Variants in ANO6 observed in about 807,000 individuals in gnomAD.
The protein encoded by ANO6 is anoctamin-6.
ANO6 carries 106 observed loss-of-function variants against 117.5 expected under a neutral mutation model. The observed-to-expected ratio is 0.90, with a 90% CI of 0.77 to 1.06. The LOEUF (loss-of-function observed/expected upper bound fraction) is 1.06. Among genes scored for constraint, ANO6 ranks in the 50% least tolerant of loss-of-function variants. The pLI, the probability that ANO6 is intolerant of heterozygous loss-of-function variation, is 0.00. For missense variants in ANO6, 955 were observed against 1,121.1 expected (o/e 0.85, Z 2.12); for synonymous variants, 367 against 385.1 (o/e 0.95, Z 0.55).
At position 45,302,086 on chromosome 12, in the gene ANO6, C is replaced by T. The variant is rs770877324; in HGVS notation, c.143C>T (p.Pro48Leu). The stretch of plus-strand genomic sequence containing the variant: ...GAAAGTCAGCATGATTTTCGAACCC[C>T]GGAGTTTGTGAGTACTATTCCTTTA... ...SLESQHDFRT[P>L]EFEEFNGKPD... The change falls in exon 2 of 20, where the codon CCG becomes CTG. Residue 48 changes from proline (P) to leucine (L), a missense_variant. Pro to Leu is a moderately conservative substitution (Grantham distance 98). Coordinates refer to ENST00000320560, the MANE Select transcript of ANO6 (RefSeq NM_001025356.3). 49 of 1,613,632 alleles carry T rather than the reference C, an allele frequency of 3.0e-5. No homozygotes were observed. Among genetic ancestry groups the T allele is most frequent in the Admixed American group, 1.3e-4 (8 of 59,970 alleles).
At chr12:45,274,015 T>G (rs1041778425) in intron 1 of ANO6, among the ~76,000 whole-genome samples, 1 of 152,208 alleles carries the variant, frequency 6.6e-6, no homozygotes, top group Non-Finnish European at 1.5e-5. Context: ...ATTCTTTTTT[T>G]ACTTGGCTTC....
At chr12:45,341,353 G>T (rs1469964420) in intron 3 of ANO6, among the ~76,000 whole-genome samples, 2 of 152,072 alleles carry the variant, frequency 1.3e-5, no homozygotes, top group African/African-American at 4.8e-5. Context: ...TTTCATAATA[G>T]CAAAAAGGTA....
At chr12:45,290,647 T>C (rs983081442) in intron 1 of ANO6, among the ~76,000 whole-genome samples, 6 of 152,220 alleles carry the variant, frequency 3.9e-5, no homozygotes, top group African/African-American at 1.2e-4. Flanking sequence ...ATTTATAGAA[T>C]ATCAGCTGTC....
At chr12:45,375,410 C>G (rs1941980279) in intron 9 of ANO6, among the ~76,000 whole-genome samples, 1 of 152,138 alleles carries the variant, frequency 6.6e-6, no homozygotes. Context: ...ATTCCTAAGC[C>G]AAAAGAACAA....
At chr12:45,271,126 A>G (rs1938381794) in intron 1 of ANO6, among the ~76,000 whole-genome samples, 1 of 152,204 alleles carries the variant, frequency 6.6e-6, no homozygotes, top group Non-Finnish European at 1.5e-5. Flanking sequence ...GTTTTAGCAA[A>G]AAATGTTTGG....
intron 1 of ANO6, among the ~76,000 whole-genome samples, chr12:45,234,859 C>T (rs1947623800): frequency 6.6e-6 from 1 of 152,180 alleles, no homozygotes; most frequent in African/African-American, 2.4e-5. Flanking sequence ...CCTTTCAGTT[C>T]TAATAATTTG....
intron 16 of ANO6, among the ~76,000 whole-genome samples, chr12:45,412,512 C>T (rs1157838687): frequency 6.6e-6 from 1 of 152,116 alleles, no homozygotes; most frequent in East Asian, 1.9e-4. Context: ...TTTCTTCCTC[C>T]TATGCTGAAC....
At position 45,400,834 on chromosome 12, in the gene ANO6, T is replaced by C. The variant is rs4768088; in HGVS notation, c.1387-961T>C. On this transcript the variant is annotated intron_variant, in intron 12 of 19. Coordinates refer to ENST00000320560, the MANE Select transcript of ANO6 (RefSeq NM_001025356.3). ...TCCTCAGTTTCCCTTCTCTGAAACT[T>C]TTCTGTCATCACGAGCAGTCACACA... Among the ~76,000 whole-genome samples, 5 of 152,218 alleles carry C rather than the reference T, an allele frequency of 3.3e-5. 1 individual carries two copies. The highest frequency in any genetic ancestry group is 1.3e-4 in the Admixed American group (2 of 15,286).
At chr12:45,264,804 A>G (rs975663484) in intron 1 of ANO6, among the ~76,000 whole-genome samples, 2 of 152,204 alleles carry the variant, frequency 1.3e-5, no homozygotes, top group African/African-American at 4.8e-5. Context: ...TATCTGTATC[A>G]TGACACTAAA....
intron 12 of ANO6, 34 bp from the exon 13 acceptor site, chr12:45,401,761 G>C (rs777145419): frequency 8.4e-6 from 13 of 1,541,060 alleles, no homozygotes; most frequent in Non-Finnish European, 1.2e-5. Flanking sequence ...AGTTATTGGT[G>C]AGTCTCATGC....
chr12:45,240,088 C>T (rs897407696), intron 1 of ANO6, among the ~76,000 whole-genome samples: 7 of 152,114 alleles, frequency 4.6e-5, no homozygotes, highest in Admixed American at 6.5e-5. Context: ...TGTTAACCTT[C>T]GTTCTCGTTG....
intron 1 of ANO6, among the ~76,000 whole-genome samples, chr12:45,299,214 G>A (rs1939399044): frequency 6.6e-6 from 1 of 152,204 alleles, no homozygotes; most frequent in African/African-American, 2.4e-5. Flanking sequence ...AAGATGGTCT[G>A]TAGGAGTGTA....
At chr12:45,438,170 C>T (rs1943729258) in intron 19 of ANO6, among the ~76,000 whole-genome samples, 1 of 152,082 alleles carries the variant, frequency 6.6e-6, no homozygotes, top group Non-Finnish European at 1.5e-5. Flanking sequence ...TCCTAGTTGT[C>T]CATCCTGGGC....
intron 1 of ANO6, among the ~76,000 whole-genome samples, chr12:45,266,805 AGTGTGTGTGTGTGTGTGTGT>A (rs57682251): frequency 6.9e-6 from 1 of 145,658 alleles, no homozygotes; most frequent in Non-Finnish European, 1.5e-5. Context: ...TCAAAAAACA[AGTGTGTGTGTGTGTGTGTGT>A]GTGTGTGTGT....
chr12:45,219,397 G>C (rs573354200), intron 1 of ANO6, among the ~76,000 whole-genome samples: 1 of 151,968 alleles, frequency 6.6e-6, no homozygotes, highest in African/African-American at 2.4e-5. Context: ...GTGCAGTGAC[G>C]CAGTCACAGC....
At chr12:45,392,747 T>C (rs1485119245) in intron 12 of ANO6, among the ~76,000 whole-genome samples, 2 of 152,148 alleles carry the variant, frequency 1.3e-5, no homozygotes, top group African/African-American at 4.8e-5. Context: ...GACCTGCAGC[T>C]GAGGGACCTG....
chr12:45,225,183 CAAAA>C (rs34523402), intron 1 of ANO6, among the ~76,000 whole-genome samples: 2 of 73,444 alleles, frequency 2.7e-5, no homozygotes, highest in African/African-American at 4.0e-5. Context: ...GACCCTGTCT[CAAAA>C]AAAAAAAAAA....
At chr12:45,286,428 A>C (rs1293677546) in intron 1 of ANO6, among the ~76,000 whole-genome samples, 1 of 152,262 alleles carries the variant, frequency 6.6e-6, no homozygotes, top group Non-Finnish European at 1.5e-5. Flanking sequence ...GACTTAAAAA[A>C]TATCCATACA....
intron 3 of ANO6, 86 bp downstream of exon 3, chr12:45,331,509 A>T: frequency 8.2e-7 from 1 of 1,217,438 alleles, no homozygotes; most frequent in Non-Finnish European, 1.1e-6. Context: ...AATAAAGTGA[A>T]ACTGATGTTG....
Sources: gnomAD v4.1 joint callset for allele counts (sites outside exome capture counted in the v4.1 genomes callset) on GRCh38, gnomAD v4.1.1 for gene constraint, MANE v1.5 for transcripts, NCBI Gene and HGNC (gene_info 2026-07-23, HGNC 2026-07-21) for gene names.